The following ACACA variants were observed in gnomAD, a reference collection of about 807,000 sequenced individuals.
ACACA encodes the protein acetyl-CoA carboxylase 1.
A neutral mutation model predicts 296.1 loss-of-function variants in ACACA; 103 were observed. That is an observed-to-expected ratio of 0.35 (90% CI 0.30 to 0.41). ACACA has a LOEUF of 0.41. Among genes scored for constraint, ACACA ranks in the 10% least tolerant of loss-of-function variants. ACACA has a pLI of 1.00. For synonymous variants in ACACA, 953 were observed against 1,038.6 expected (o/e 0.92, Z 1.58); for missense variants, 1,554 against 2,989.7 (o/e 0.52, Z 11.20).
chr17:37,237,762 T>C (rs1010385143), intron 24 of ACACA, among the ~76,000 whole-genome samples: 2 of 127,746 alleles, frequency 1.6e-5, no homozygotes, highest in African/African-American at 4.1e-5. Context: ...AGCTTATATT[T>C]TCAGTCTCTT....
intron 1 of ACACA, among the ~76,000 whole-genome samples, chr17:37,395,236 C>T (rs976331670): frequency 3.3e-5 from 5 of 151,890 alleles, no homozygotes; most frequent in African/African-American, 1.2e-4. Context: ...TGAGACCAGC[C>T]TGGTCAACAT....
intron 3 of ACACA, among the ~76,000 whole-genome samples, chr17:37,298,274 C>T (rs767456399): frequency 6.6e-6 from 1 of 152,204 alleles, no homozygotes; most frequent in Non-Finnish European, 1.5e-5. Flanking sequence ...GATCTAAAGA[C>T]AGATTTTGCC....
At chr17:37,384,029 C>T (rs1197517380) in intron 1 of ACACA, among the ~76,000 whole-genome samples, 1 of 152,114 alleles carries the variant, frequency 6.6e-6, no homozygotes, top group African/African-American at 2.4e-5. Flanking sequence ...ACTTTGGGAG[C>T]CCGAGGCGGG....
chr17:37,150,703 T>G (rs1351190402), intron 44 of ACACA, among the ~76,000 whole-genome samples: 1 of 152,010 alleles, frequency 6.6e-6, no homozygotes, highest in South Asian at 2.1e-4. Flanking sequence ...CAGTGAGCTA[T>G]GATTGCACCA....
intron 9 of ACACA, among the ~76,000 whole-genome samples, chr17:37,272,284 G>A (rs540296877): frequency 5.3e-5 from 8 of 152,006 alleles, no homozygotes; most frequent in Non-Finnish European, 1.0e-4. Context: ...TGGAGGTTGC[G>A]GTGAGCCAAG....
intron 1 of ACACA, among the ~76,000 whole-genome samples, chr17:37,363,097 C>T (rs1039449107): frequency 4.6e-5 from 7 of 150,716 alleles, no homozygotes; most frequent in Non-Finnish European, 8.9e-5. Flanking sequence ...AGCGATCCTG[C>T]CACCTCAGCC....
intron 14 of ACACA, among the ~76,000 whole-genome samples, chr17:37,256,482 C>T (rs2081234169): frequency 6.6e-6 from 1 of 152,200 alleles, no homozygotes; most frequent in Non-Finnish European, 1.5e-5. Context: ...TGCAGCGGCT[C>T]ATGCCTATAA....
chr17:37,172,679 AAAAT>A (rs1210019513), intron 41 of ACACA, among the ~76,000 whole-genome samples: 2 of 152,202 alleles, frequency 1.3e-5, no homozygotes, highest in Non-Finnish European at 2.9e-5. Flanking sequence ...GCCTTGATGA[AAAAT>A]AAGGCAAGCA....
At chr17:37,260,288 ATATATATATT>A (rs2081432909) in intron 11 of ACACA, among the ~76,000 whole-genome samples, 2 of 24,054 alleles carry the variant, frequency 8.3e-5, no homozygotes, top group Non-Finnish European at 1.4e-4. Context: ...ATATATATAT[ATATATATATT>A]TTTTTTTTTT....
In ACACA at chr17:37,321,703, G is replaced by A. The variant is rs534616887; in HGVS notation, c.338+8470C>T. Among the ~76,000 whole-genome samples, 3 of 152,144 alleles carry A rather than the reference G, an allele frequency of 2.0e-5. No homozygotes were observed. The South Asian group carries it at 6.2e-4, about 32-fold the overall frequency. On this transcript the variant is annotated intron_variant, in intron 3 of 55. Transcript: ENST00000616317. ...GCGGAGCTTGCAGTGAGCCGAGATTGCGCCACTGCCCTCCAGCCTGGGCGA... is the reference window on the plus strand; with the variant it reads ...GCGGAGCTTGCAGTGAGCCGAGATTACGCCACTGCCCTCCAGCCTGGGCGA...
At chr17:37,188,162 TA>T in intron 39 of ACACA, 114 bp downstream of exon 39, 2 of 1,003,468 alleles carry the variant, frequency 2.0e-6, no homozygotes, top group Non-Finnish European at 3.1e-6. Context: ...TTATAGAGGA[TA>T]ATCCCACCAG....
Position 37,289,435 on chromosome 17 carries a change from G to GT in ACACA, c.339-4466dup, listed in dbSNP as rs1357040635. ...ACCCACACCTTGAAAATCAGCAACT[G>GT]TAAGTATGGCACAATCAAACATTTC... On this transcript the variant is annotated intron_variant, in intron 3 of 55. Coordinates refer to ENST00000616317, the MANE Select transcript of ACACA (RefSeq NM_198834.3). The GT allele has an allele frequency of 8.1e-6, 11 of 1,350,812 alleles. No homozygotes were observed. The Admixed American group carries it at 1.5e-4, about 19-fold the overall frequency. The allele number at this position is 1,350,812 out of a possible 1,614,324, so 83.7% of individuals were successfully genotyped here. A position where few individuals can be genotyped will look rare whatever the true frequency, so the allele number is the denominator to read the frequency against.
intron 43 of ACACA, among the ~76,000 whole-genome samples, chr17:37,153,186 A>C (rs1307276234): frequency 2.0e-5 from 3 of 152,228 alleles, no homozygotes; most frequent in Non-Finnish European, 4.4e-5. Context: ...CTCAATATTC[A>C]TAGATTCCAG....
intron 41 of ACACA, among the ~76,000 whole-genome samples, chr17:37,172,780 G>T (rs909833943): frequency 2.0e-5 from 3 of 152,058 alleles, no homozygotes; most frequent in Non-Finnish European, 4.4e-5. Flanking sequence ...CTTTTCTGCT[G>T]AGGATCCCAA....
At chr17:37,310,668 G>A (rs530498732) in intron 3 of ACACA, among the ~76,000 whole-genome samples, 4 of 151,562 alleles carry the variant, frequency 2.6e-5, no homozygotes, top group East Asian at 1.9e-4. Flanking sequence ...GATGGTGGGC[G>A]CCTGTAATCC....
At chr17:37,151,183 A>T in intron 44 of ACACA, 118 bp downstream of exon 44, 2 of 1,133,356 alleles carry the variant, frequency 1.8e-6, no homozygotes, top group African/African-American at 1.6e-5. Flanking sequence ...ATATAATTAT[A>T]GACATACAAT....
intron 44 of ACACA, 135 bp from the exon 45 acceptor site, chr17:37,150,109 AAC>A (rs371327446): frequency 2.2e-4 from 165 of 761,808 alleles, no homozygotes; most frequent in Non-Finnish European, 2.5e-4. Flanking sequence ...GATTGACAAC[AAC>A]ACACACACAC....
intron 38 of ACACA, 63 bp from the exon 39 acceptor site, chr17:37,188,543 T>C: frequency 3.2e-6 from 5 of 1,566,894 alleles, no homozygotes; most frequent in Non-Finnish European, 4.4e-6. Context: ...CTGTTTCAGG[T>C]CTGCTCATAT....
rs996852955 is a variant in ACACA, at chr17:37,406,126, T to G, written c.38+136A>C. The stretch of plus-strand genomic sequence containing the variant: ...CCTGGAAAATAGGGATAACAACAGG[T>G]GCCTACCTCACAAGTTTTAAATGAG... On this transcript the variant is annotated intron_variant, in intron 1 of 55. Transcript: ENST00000616317. 6 of 940,944 alleles carry G rather than the reference T, an allele frequency of 6.4e-6. No homozygotes were observed. In the African/African-American group the frequency reaches 6.5e-5, roughly 10 times the overall value. The allele number at this position is 940,944 out of a possible 1,614,324, so 58.3% of individuals were successfully genotyped here.
Sources: allele counts gnomAD v4.1 joint callset (sites outside exome capture counted in the v4.1 genomes callset), GRCh38; gene constraint gnomAD v4.1.1; transcripts MANE v1.5; gene names NCBI Gene and HGNC (gene_info 2026-07-23, HGNC 2026-07-21).